RELT: variants seen among roughly 807,000 people sequenced by gnomAD.
RELT encodes the protein RELT TNF receptor.
Under a neutral mutation model 51.1 loss-of-function variants are expected in RELT, and 37 were observed. The ratio of observed to expected loss-of-function variants is 0.72; its 90% confidence interval spans 0.56 to 0.95. RELT has a LOEUF of 0.95. Ranked by LOEUF, RELT falls within the 40% of genes least tolerant of loss-of-function variation. The probability of loss-of-function intolerance (pLI) is 0.00; values close to 1 mark genes in which losing one functional copy is unlikely to be tolerated. For missense variants in RELT, 535 were observed against 572.6 expected (o/e 0.93, Z 0.67); for synonymous variants, 241 against 235.7 (o/e 1.02, Z -0.21).
chr11:73,388,971 C>T lies in RELT; in HGVS notation c.-25-141C>T, dbSNP rs918762243. ...TGGGCCTGTGCTTGCGGGTGTGGAGCCGGCCTCCCCGGGCTCTGCCTGCCC... is the reference window on the plus strand; with the variant it reads ...TGGGCCTGTGCTTGCGGGTGTGGAGTCGGCCTCCCCGGGCTCTGCCTGCCC... On this transcript the variant is annotated intron_variant, in intron 1 of 10. Coordinates refer to ENST00000064780, the MANE Select transcript of RELT (RefSeq NM_152222.2). This position sits in a 1 kb window ranked among gnomAD's most constrained non-coding sequence, Gnocchi z 4.1. The T allele has an allele frequency of 4.8e-6, 3 of 623,742 alleles. No individual in the cohort carries two copies. The highest frequency in any genetic ancestry group is 8.6e-6 in the Non-Finnish European group (3 of 348,498). The allele number at this position is 623,742 out of a possible 1,614,324, so 38.6% of individuals were successfully genotyped here. A position where few individuals can be genotyped will look rare whatever the true frequency, so the allele number is the denominator to read the frequency against.
At chr11:73,383,851 C>T (rs79623427) in intron 1 of RELT, among the ~76,000 whole-genome samples, 11,240 of 152,318 alleles carry the variant, frequency 0.074, 571 homozygotes, top group Non-Finnish European at 0.1. Context: ...AGCCACTCAG[C>T]GTGGTCGCTG....
rs755587108 is a variant in RELT at position 73,390,939 on chromosome 11, C to T, written c.287+18C>T. ...TGGCCTGGGTAAGCCAAAGGGAGTGCGGGGAGGGCTCCTGGCTGGGTGACC... is the reference window on the plus strand; with the variant it reads ...TGGCCTGGGTAAGCCAAAGGGAGTGTGGGGAGGGCTCCTGGCTGGGTGACC... On this transcript the variant is annotated intron_variant, in intron 4 of 10. Transcript: ENST00000064780. 10 of 1,607,118 alleles carry T rather than the reference C, an allele frequency of 6.2e-6. No individual in the cohort carries two copies. The highest frequency in any genetic ancestry group is 1.7e-4 in the Middle Eastern group (1 of 6,024).
intron 1 of RELT, among the ~76,000 whole-genome samples, chr11:73,387,544 C>T (rs1808605668): frequency 6.6e-6 from 1 of 152,210 alleles, no homozygotes; most frequent in African/African-American, 2.4e-5. Flanking sequence ...TGGCCTCCAC[C>T]CTATACTGTG....
intron 1 of RELT, among the ~76,000 whole-genome samples, chr11:73,383,858 G>A (rs549634673): frequency 6.6e-6 from 1 of 152,356 alleles, no homozygotes; most frequent in South Asian, 2.1e-4. Flanking sequence ...CAGCGTGGTC[G>A]CTGCCCTACT....
intron 4 of RELT, 99 bp from the exon 5 acceptor site, chr11:73,391,045 A>G: frequency 2.0e-6 from 3 of 1,516,502 alleles, no homozygotes; most frequent in Non-Finnish European, 2.7e-6. Context: ...GGGATGGGGC[A>G]GGACCACGGA....
intron 1 of RELT, 174 bp downstream of exon 1, chr11:73,376,673 C>A (rs1403862284): frequency 6.6e-6 from 1 of 151,980 alleles, no homozygotes; most frequent in Non-Finnish European, 1.5e-5. Flanking sequence ...CGCCTCGCGT[C>A]CTGTCCCGGC....
At chr11:73,380,345 C>T (rs1009178925) in intron 1 of RELT, among the ~76,000 whole-genome samples, 1 of 152,144 alleles carries the variant, frequency 6.6e-6, no homozygotes, top group South Asian at 2.1e-4. Context: ...CAAAGACTCA[C>T]GGCCACTCCT....
chr11:73,384,100 C>T (rs563931635), intron 1 of RELT, among the ~76,000 whole-genome samples: 36 of 152,262 alleles, frequency 2.4e-4, no homozygotes, highest in African/African-American at 8.4e-4. Context: ...TCCAGGTGGG[C>T]ACCAGCCCCC....
chr11:73,393,575 T>G (rs745792827), intron 6 of RELT: 5 of 1,435,512 alleles, frequency 3.5e-6, no homozygotes, highest in Non-Finnish European at 4.6e-6. Context: ...CCCAATTCAA[T>G]GACTGGAGTT....
At chr11:73,378,998 G>T (rs1866009900) in intron 1 of RELT, among the ~76,000 whole-genome samples, 1 of 152,188 alleles carries the variant, frequency 6.6e-6, no homozygotes, top group Non-Finnish European at 1.5e-5. Context: ...CAGACAGGGA[G>T]TGACCTTGAG....
At chr11:73,393,414 A>G in intron 6 of RELT, 2 of 1,168,452 alleles carry the variant, frequency 1.7e-6, no homozygotes, top group Non-Finnish European at 2.2e-6. Flanking sequence ...ACTCAGTTAA[A>G]TTGTTACATA....
In RELT at chr11:73,395,083, A is replaced by T. The variant is rs1225099690; in HGVS notation, c.1047-4A>T. ...CGGGGATGATTGCCCCACTCTCCTCACAGGTTCCGCGTGGCTCGAATTCCT... is the reference window on the plus strand; with the variant it reads ...CGGGGATGATTGCCCCACTCTCCTCTCAGGTTCCGCGTGGCTCGAATTCCT... On this transcript the variant is annotated splice_region_variant and splice_polypyrimidine_tract_variant and intron_variant, in intron 9 of 10. Transcript: ENST00000064780. The T allele has an allele frequency of 1.2e-6, 2 of 1,611,932 alleles. No individual in the cohort carries two copies. The highest frequency in any genetic ancestry group is 2.7e-5 in the African/African-American group (2 of 74,854).
intron 5 of RELT, 59 bp from the exon 6 acceptor site, chr11:73,392,152 G>C: frequency 6.4e-7 from 1 of 1,569,726 alleles, no homozygotes; most frequent in Non-Finnish European, 8.7e-7. Context: ...CTGGGCCCCT[G>C]TCTCTCTGTG....
At chr11:73,378,942 C>T (rs900292656) in intron 1 of RELT, among the ~76,000 whole-genome samples, 1 of 152,306 alleles carries the variant, frequency 6.6e-6, no homozygotes, top group South Asian at 2.1e-4. Context: ...TTTGCAGTTG[C>T]TCTAGAGGCA....
chr11:73,380,246 C>A (rs1866030239), intron 1 of RELT, among the ~76,000 whole-genome samples: 1 of 152,194 alleles, frequency 6.6e-6, no homozygotes, highest in African/African-American at 2.4e-5. Context: ...GATCCCAGCA[C>A]CTGTGTGCTG....
Position 73,394,902 on chromosome 11 carries a change from C to T in RELT, c.1046+168C>T, listed in dbSNP as rs548134748. ...GGCGGCCAGAGAGATCAGGACTTTC[C>T]GGTTATGTTGTGTCTCACATGGAGC... is the stretch of plus-strand genomic sequence containing the variant. On this transcript the variant is annotated intron_variant, in intron 9 of 10. Transcript: ENST00000064780. This position sits in a 1 kb window ranked among gnomAD's most constrained non-coding sequence, Gnocchi z 4.9. 17 of 936,652 alleles carry T rather than the reference C, an allele frequency of 1.8e-5. No individual in the cohort carries two copies. The highest frequency in any genetic ancestry group is 5.2e-5 in the East Asian group (2 of 38,106). 58.0% of individuals were successfully genotyped at this position (936,652 alleles called of 1,614,324 possible).
Position 73,392,290 on chromosome 11 carries a change from C to T in RELT, c.447C>T (p.Asn149=), listed in dbSNP as rs371447073. Residue 149 remains asparagine (N), a synonymous_variant, in exon 6 of 11, where the codon AAC becomes AAT. Transcript: ENST00000064780. Reference sequence around the variant, plus strand: ...GTGGTGAGACACGGCAGCCTGGGAACGGCACCCGGGCAGGTGGCCCAGAGG... The same window carrying T: ...GTGGTGAGACACGGCAGCCTGGGAATGGCACCCGGGCAGGTGGCCCAGAGG... ...SSGGETRQPG[N]GTRAGGPEET... The T allele has an allele frequency of 1.8e-5, 29 of 1,613,166 alleles. No homozygotes were observed. Among genetic ancestry groups the T allele is most frequent in the African/African-American group, 9.3e-5 (7 of 75,032 alleles).
At chr11:73,389,270 A>G in intron 2 of RELT, 89 bp downstream of exon 2, 1 of 927,942 alleles carries the variant, frequency 1.1e-6, no homozygotes, top group Non-Finnish European at 1.6e-6. Flanking sequence ...CTCCCGGGGA[A>G]CCCCCTGCTG....
intron 6 of RELT, chr11:73,393,354 G>A: frequency 5.3e-6 from 6 of 1,124,632 alleles, no homozygotes; most frequent in Admixed American, 4.2e-5. Context: ...GCTGATCATC[G>A]TGGCCCATTC....
Sources: allele counts gnomAD v4.1 joint callset (sites outside exome capture counted in the v4.1 genomes callset), GRCh38; gene constraint gnomAD v4.1.1; non-coding constraint Gnocchi (gnomAD v3.1); transcripts MANE v1.5; gene names NCBI Gene and HGNC (gene_info 2026-07-23, HGNC 2026-07-21).